Variants in ERBB4 observed in about 807,000 individuals in gnomAD.
The protein encoded by ERBB4 is erb-b2 receptor tyrosine kinase 4, also known as receptor tyrosine-protein kinase erbB-4.
ERBB4 carries 42 observed loss-of-function variants against 158.0 expected under a neutral mutation model. That is an observed-to-expected ratio of 0.27 (90% CI 0.21 to 0.34). The LOEUF (loss-of-function observed/expected upper bound fraction) is 0.34. ERBB4 is among the 10% of genes least tolerant of loss of function. ERBB4 has a pLI of 1.00. For synonymous variants in ERBB4, 583 were observed against 558.7 expected (o/e 1.04, Z -0.61); for missense variants, 1,333 against 1,624.1 (o/e 0.82, Z 3.08).
intron 2 of ERBB4, among the ~76,000 whole-genome samples, chr2:212,078,344 C>A (rs551110682): frequency 4.0e-4 from 60 of 151,876 alleles, no homozygotes; most frequent in African/African-American, 1.4e-3. Context: ...TACCTCTAGT[C>A]CCGATCAGAT....
intron 5 of ERBB4, among the ~76,000 whole-genome samples, chr2:211,746,793 G>A (rs923924693): frequency 3.2e-4 from 46 of 142,736 alleles, no homozygotes; most frequent in African/African-American, 1.2e-3. Flanking sequence ...TCGCACCACC[G>A]CACTCCAGCC....
rs1301424787 is a variant in ERBB4, at chr2:211,959,100, C to T, written c.235-11484G>A. Among the ~76,000 whole-genome samples the T allele has an allele frequency of 2.0e-5, 3 of 152,036 alleles. No homozygotes were observed. The East Asian group carries it at 5.8e-4, about 29-fold the overall frequency. The stretch of plus-strand genomic sequence containing the variant: ...AAAAGTCTTTAAGTCTCTATGCTTT[C>T]ACCCTCATTCATCCATCCATCCATC... On this transcript the variant is annotated intron_variant, in intron 2 of 27. Transcript: ENST00000342788.
chr2:211,556,483 A>G (rs2067240409), intron 20 of ERBB4, among the ~76,000 whole-genome samples: 1 of 152,182 alleles, frequency 6.6e-6, no homozygotes, highest in African/African-American at 2.4e-5. Flanking sequence ...AATAGAATAT[A>G]CTTTCTTCTT....
chr2:211,597,854 C>T (rs2068684194), intron 19 of ERBB4, among the ~76,000 whole-genome samples: 1 of 151,934 alleles, frequency 6.6e-6, no homozygotes. Context: ...AAAAAATCAG[C>T]TTTTTAAGAG....
In ERBB4 at chr2:212,286,767, A is replaced by ATTTTTTT. The variant is rs748586400; in HGVS notation, c.83-161871_83-161865dup. 5.6e-4 allele frequency among the ~76,000 whole-genome samples: 22 copies of ATTTTTTT among 39,560 alleles called. 5 individuals are homozygous for ATTTTTTT. The highest frequency in any genetic ancestry group is 2.4e-3 in the Admixed American group (5 of 2,082). 26.0% of individuals were successfully genotyped at this position (39,560 alleles called of 152,430 possible). ...TAGGCGGGTGGCACCATGAGGGTTAATTTTTTTTTTTTTTTTTTTTTTTGT... is the reference window on the plus strand; with the variant it reads ...TAGGCGGGTGGCACCATGAGGGTTAATTTTTTTTTTTTTTTTTTTTTTTTTTTTTTGT... On this transcript the variant is annotated intron_variant, in intron 1 of 27. Coordinates refer to ENST00000342788, the MANE Select transcript of ERBB4 (RefSeq NM_005235.3).
intron 1 of ERBB4, among the ~76,000 whole-genome samples, chr2:212,431,123 G>A (rs538602373): frequency 6.0e-5 from 9 of 151,220 alleles, no homozygotes; most frequent in Admixed American, 1.3e-4. Flanking sequence ...AGAACCTCAC[G>A]CTCCTATATC....
intron 20 of ERBB4, among the ~76,000 whole-genome samples, chr2:211,532,377 T>C (rs2066524741): frequency 1.3e-5 from 2 of 152,070 alleles, no homozygotes; most frequent in South Asian, 2.1e-4. Flanking sequence ...TGCATACCTG[T>C]ATTGAAATAT....
chr2:211,651,306 T>C (rs2070972953), intron 16 of ERBB4, among the ~76,000 whole-genome samples: 1 of 152,152 alleles, frequency 6.6e-6, no homozygotes, highest in South Asian at 2.1e-4. Context: ...TATGGCAAAG[T>C]TGCATGACAC....
chr2:211,871,690 A>C (rs905246336), intron 3 of ERBB4, among the ~76,000 whole-genome samples: 1 of 152,176 alleles, frequency 6.6e-6, no homozygotes, highest in Non-Finnish European at 1.5e-5. Context: ...TAATTGAAGC[A>C]AAAGCTCTTT....
intron 1 of ERBB4, among the ~76,000 whole-genome samples, chr2:212,160,248 C>T (rs895649366): frequency 6.6e-6 from 1 of 151,914 alleles, no homozygotes. Context: ...GGCTTGTCCC[C>T]TTGCTTGCAG....
intron 7 of ERBB4, among the ~76,000 whole-genome samples, chr2:211,715,459 G>A (rs13409739): frequency 0.28 from 42,788 of 152,066 alleles, 7,123 homozygotes; most frequent in Admixed American, 0.38. Context: ...ATGATATTAA[G>A]TAGCCATTCT....
At chr2:212,263,656 A>G (rs2085025444) in intron 1 of ERBB4, among the ~76,000 whole-genome samples, 1 of 152,078 alleles carries the variant, frequency 6.6e-6, no homozygotes, top group Non-Finnish European at 1.5e-5. Flanking sequence ...TTAATACATT[A>G]TAATATAATT....
At chr2:212,392,127 A>C (rs41341346) in intron 1 of ERBB4, among the ~76,000 whole-genome samples, 21,182 of 151,584 alleles carry the variant, frequency 0.14, 1,697 homozygotes, top group African/African-American at 0.21. Context: ...TAAAACATAC[A>C]TCAATGATAA....
At chr2:211,632,218 T>C (rs2070169172) in intron 16 of ERBB4, among the ~76,000 whole-genome samples, 1 of 152,058 alleles carries the variant, frequency 6.6e-6, no homozygotes, top group South Asian at 2.1e-4. Flanking sequence ...GCTGAGAAAA[T>C]TAAACTATAG....
chr2:211,921,354 T>G (rs190964940), intron 3 of ERBB4, among the ~76,000 whole-genome samples: 190 of 152,184 alleles, frequency 1.2e-3, no homozygotes, highest in African/African-American at 4.3e-3. Context: ...GTACCAGCTA[T>G]CTGAAGAGTA....
intron 2 of ERBB4, among the ~76,000 whole-genome samples, chr2:212,080,454 A>AT (rs909461753): frequency 1.2e-4 from 18 of 151,790 alleles, no homozygotes; most frequent in African/African-American, 3.9e-4. Flanking sequence ...GTATATAACC[A>AT]TTTTTTTAAA....
chr2:212,442,339 G>A (rs2092272325), intron 1 of ERBB4, among the ~76,000 whole-genome samples: 1 of 152,146 alleles, frequency 6.6e-6, no homozygotes, highest in East Asian at 1.9e-4. Flanking sequence ...TTGAATGAAG[G>A]GGAGGCTGGG....
intron 1 of ERBB4, among the ~76,000 whole-genome samples, chr2:212,492,565 T>C (rs1274752190): frequency 6.6e-6 from 1 of 151,436 alleles, no homozygotes; most frequent in Admixed American, 6.6e-5. Context: ...CCTATGTCTT[T>C]ATGTACAAAA....
intron 1 of ERBB4, among the ~76,000 whole-genome samples, chr2:212,497,059 T>A (rs1437131360): frequency 1.3e-5 from 2 of 151,128 alleles, no homozygotes; most frequent in Non-Finnish European, 2.9e-5. Flanking sequence ...GCGCCTGTAA[T>A]CCCAGCTACT....
Sources: gnomAD v4.1 joint callset for allele counts (sites outside exome capture counted in the v4.1 genomes callset) on GRCh38, gnomAD v4.1.1 for gene constraint, MANE v1.5 for transcripts, NCBI Gene and HGNC (gene_info 2026-07-23, HGNC 2026-07-21) for gene names.